Variants in ATF7 observed in about 807,000 individuals in gnomAD.
The protein encoded by ATF7 is cyclic AMP-dependent transcription factor ATF-7.
ATF7 carries 10 observed loss-of-function variants against 50.4 expected under a neutral mutation model. That is an observed-to-expected ratio of 0.20 (90% confidence interval 0.12 to 0.34). The LOEUF is 0.34. Among genes scored for constraint, ATF7 ranks in the 10% least tolerant of loss-of-function variants. The pLI is 1.00. For synonymous variants in ATF7, 201 were observed against 226.4 expected, an observed-to-expected ratio of 0.89 and a Z score of 1.01; for missense variants, 465 against 613.9, an observed-to-expected ratio of 0.76 and a Z score of 2.56.
At chr12:53,620,786 G>C (rs1197286132) in intron 1 of ATF7, among the ~76,000 whole-genome samples, 1 of 150,726 alleles carries the variant, frequency 6.6e-6, no homozygotes, top group Non-Finnish European at 1.5e-5. Context: ...ACAACCAAAA[G>C]ACAGTAACAA....
chr12:53,558,736 T>C (rs1361681661), intron 2 of ATF7, among the ~76,000 whole-genome samples: 2 of 152,220 alleles, frequency 1.3e-5, no homozygotes, highest in African/African-American at 4.8e-5. Flanking sequence ...AAGAAGATTC[T>C]TTTCATTTAA....
At chr12:53,616,727 G>C (rs1210112825) in intron 1 of ATF7, among the ~76,000 whole-genome samples, 1 of 151,712 alleles carries the variant, frequency 6.6e-6, no homozygotes, top group African/African-American at 2.4e-5. Context: ...TGGATTGCCT[G>C]AGCTCAGGAG....
chr12:53,580,119 C>T (rs1222746692), intron 2 of ATF7, among the ~76,000 whole-genome samples: 2 of 151,602 alleles, frequency 1.3e-5, no homozygotes, highest in East Asian at 2.0e-4. Flanking sequence ...TTAGTAGAGA[C>T]GAGGTTTCAC....
At chr12:53,540,713 G>A (rs1049239001) in intron 4 of ATF7, among the ~76,000 whole-genome samples, 3 of 151,770 alleles carry the variant, frequency 2.0e-5, no homozygotes, top group Non-Finnish European at 2.9e-5. Context: ...GTGACAGAGG[G>A]AGACTCTGTC....
intron 4 of ATF7, among the ~76,000 whole-genome samples, chr12:53,540,693 T>G (rs1939498025): frequency 6.6e-6 from 1 of 151,808 alleles, no homozygotes; most frequent in Non-Finnish European, 1.5e-5. Flanking sequence ...GCTACTGCAC[T>G]CCAGCCAGGG....
rs1937745233 is a variant in ATF7 at position 53,517,004 on chromosome 12, C to T, written c.*133G>A. 1.0e-6 allele frequency: 1 copy of T among 1,004,236 alleles called. No homozygotes were observed. The highest frequency in any genetic ancestry group is 2.1e-5 in the Admixed American group (1 of 48,310). 62.2% of individuals were successfully genotyped at this position (1,004,236 alleles called of 1,614,324 possible). A position where few individuals can be genotyped will look rare whatever the true frequency, so the allele number is the denominator to read the frequency against. ...CATGGCTAAAAAGCCCCATATCTGT[C>T]CATTACTCACAACACACAATTCCCC... On this transcript the variant is annotated 3_prime_UTR_variant, in exon 12 of 12. Coordinates refer to ENST00000420353, the MANE Select transcript of ATF7 (RefSeq NM_006856.3).
At chr12:53,519,386 A>G (rs1174863787) in intron 11 of ATF7, among the ~76,000 whole-genome samples, 1 of 152,080 alleles carries the variant, frequency 6.6e-6, no homozygotes, top group African/African-American at 2.4e-5. Flanking sequence ...ACACAGCAGG[A>G]ACTAAATACA....
At chr12:53,606,554 GT>G (rs955480913) in intron 1 of ATF7, among the ~76,000 whole-genome samples, 2 of 150,866 alleles carry the variant, frequency 1.3e-5, no homozygotes, top group South Asian at 2.1e-4. Context: ...GGCCTGGCAC[GT>G]TTTTTTTTAA....
At chr12:53,559,344 C>T (rs2137549359) in intron 2 of ATF7, among the ~76,000 whole-genome samples, 1 of 151,780 alleles carries the variant, frequency 6.6e-6, no homozygotes, top group Middle Eastern at 3.4e-3. Context: ...GGATTACAGG[C>T]ATGAGCCACC....
At chr12:53,544,835 C>A (rs1160058888) in intron 3 of ATF7, among the ~76,000 whole-genome samples, 8 of 152,110 alleles carry the variant, frequency 5.3e-5, no homozygotes, top group Admixed American at 1.3e-4. Flanking sequence ...GGAAACAGCA[C>A]AATTTTTATA....
chr12:53,556,871 A>G (rs899390987), intron 2 of ATF7, among the ~76,000 whole-genome samples: 2 of 152,206 alleles, frequency 1.3e-5, no homozygotes, highest in Non-Finnish European at 2.9e-5. Context: ...CTTCATTCAT[A>G]GGAAACCATC....
intron 9 of ATF7, among the ~76,000 whole-genome samples, chr12:53,525,209 C>T (rs1022749262): frequency 3.3e-5 from 5 of 152,222 alleles, no homozygotes; most frequent in Non-Finnish European, 7.4e-5. Context: ...CAAAATTAGC[C>T]GGGTATGGTG....
At position 53,608,510 on chromosome 12, in the gene ATF7, T is replaced by G. The variant is rs182895833; in HGVS notation, c.-21-7489A>C. Among the ~76,000 whole-genome samples, 268 of 152,266 alleles carry G rather than the reference T, an allele frequency of 1.8e-3. 3 individuals carry two copies. The highest frequency in any genetic ancestry group is 6.8e-3 in the Middle Eastern group (2 of 294). ...TTTTGTTACCTTCCAGGACCCATTT[T>G]GAATGCTTCCTAACAACAATTATGC... On this transcript the variant is annotated intron_variant, in intron 1 of 11. Transcript: ENST00000420353.
chr12:53,583,610 G>C, intron 2 of ATF7, among the ~76,000 whole-genome samples: 1 of 151,930 alleles, frequency 6.6e-6, no homozygotes, highest in East Asian at 1.9e-4. Context: ...AAAAGGTGGG[G>C]GACCACTGAC....
intron 4 of ATF7, chr12:53,543,050 T>C (rs536212037): frequency 6.2e-6 from 8 of 1,300,802 alleles, no homozygotes; most frequent in East Asian, 2.9e-5. Context: ...ATTTATAATA[T>C]AAATATTTTT....
rs745667812 is a variant in ATF7, at chr12:53,566,221, A to G, written c.49-13584T>C. On this transcript the variant is annotated intron_variant, in intron 2 of 11. Coordinates refer to ENST00000420353, the MANE Select transcript of ATF7 (RefSeq NM_006856.3). Reference sequence around the variant, plus strand: ...GTATATCAGCTATAAACTATAAACTATCAGTCCTGAGAAGACTGTTGTCAA... The same window carrying G: ...GTATATCAGCTATAAACTATAAACTGTCAGTCCTGAGAAGACTGTTGTCAA... Among the ~76,000 whole-genome samples, 103 of 152,338 alleles carry G rather than the reference A, an allele frequency of 6.8e-4. 1 individual carries two copies. The highest frequency in any genetic ancestry group is 1.1e-3 in the Non-Finnish European group (76 of 68,030).
At chr12:53,525,994 T>G (rs1250277730) in intron 9 of ATF7, among the ~76,000 whole-genome samples, 1 of 152,152 alleles carries the variant, frequency 6.6e-6, no homozygotes, top group Non-Finnish European at 1.5e-5. Flanking sequence ...GCGGATCACT[T>G]GAGATCGGGA....
intron 1 of ATF7, among the ~76,000 whole-genome samples, chr12:53,611,171 T>C (rs1943861054): frequency 6.6e-6 from 1 of 152,168 alleles, no homozygotes; most frequent in Non-Finnish European, 1.5e-5. Flanking sequence ...TTGTAATTAT[T>C]TTAAAATTCA....
intron 1 of ATF7, among the ~76,000 whole-genome samples, chr12:53,608,880 C>T (rs925899544): frequency 1.3e-5 from 2 of 152,152 alleles, no homozygotes; most frequent in African/African-American, 2.4e-5. Flanking sequence ...ATTTCCATTA[C>T]ATCTAGCAAA....
Sources: gnomAD v4.1 joint callset for allele counts (sites outside exome capture counted in the v4.1 genomes callset) on GRCh38, gnomAD v4.1.1 for gene constraint, MANE v1.5 for transcripts, NCBI Gene and HGNC (gene_info 2026-07-23, HGNC 2026-07-21) for gene names.